The following ADARB2 variants were observed in gnomAD, a reference collection of about 807,000 sequenced individuals.
ADARB2 encodes adenosine deaminase RNA specific B2 (inactive), also known as inactive double-stranded RNA-specific editase B2.
In ADARB2, 25 loss-of-function variants were observed where a neutral mutation model predicts 62.2. The observed-to-expected ratio is 0.40, with a 90% CI of 0.29 to 0.56. The LOEUF (loss-of-function observed/expected upper bound fraction) is 0.56. Ranked by LOEUF, ADARB2 falls within the 20% of genes least tolerant of loss-of-function variation. The pLI, the probability that ADARB2 is intolerant of heterozygous loss-of-function variation, is 0.43. For synonymous variants in ADARB2, 572 were observed against 500.8 expected (o/e 1.14, Z -1.90); for missense variants, 1,071 against 1,077.4 (o/e 0.99, Z 0.08).
At chr10:1,552,321 T>C (rs1014788428) in intron 1 of ADARB2, among the ~76,000 whole-genome samples, 2 of 152,176 alleles carry the variant, frequency 1.3e-5, no homozygotes, top group Admixed American at 6.5e-5. Context: ...CTCTGGCTAG[T>C]TTGGGGCCCT....
chr10:1,354,564 T>C (rs903855535), intron 3 of ADARB2, among the ~76,000 whole-genome samples: 3 of 152,118 alleles, frequency 2.0e-5, no homozygotes, highest in Non-Finnish European at 2.9e-5. Flanking sequence ...CACAGGTACG[T>C]GCATGAAAAG....
In ADARB2 at chr10:1,272,732, C is replaced by T. The variant is rs149295555; in HGVS notation, c.1078-1663G>A. Among the ~76,000 whole-genome samples, 12 of 152,348 alleles carry T rather than the reference C, an allele frequency of 7.9e-5. No homozygotes were observed. In the East Asian group the frequency reaches 2.3e-3, roughly 29 times the overall value. The stretch of plus-strand genomic sequence containing the variant: ...CCAGTCCAGGCTGCTCCCAGCTGTC[C>T]TGTCTTTCGTGTCTGGAATCAGGTC... On this transcript the variant is annotated intron_variant, in intron 3 of 9. Coordinates refer to ENST00000381312, the MANE Select transcript of ADARB2 (RefSeq NM_018702.4).
intron 3 of ADARB2, among the ~76,000 whole-genome samples, chr10:1,307,115 CA>C: frequency 8.8e-6 from 1 of 113,478 alleles, no homozygotes; most frequent in South Asian, 4.3e-4. Flanking sequence ...TTCTGCACAG[CA>C]AAAGAAACTA....
chr10:1,429,173 C>A (rs1464410398), intron 1 of ADARB2, among the ~76,000 whole-genome samples: 2 of 152,174 alleles, frequency 1.3e-5, no homozygotes, highest in Non-Finnish European at 2.9e-5. Flanking sequence ...TTCTGTAATG[C>A]CTCTTACAAT....
At chr10:1,458,840 G>A (rs570963617) in intron 1 of ADARB2, among the ~76,000 whole-genome samples, 5 of 82,662 alleles carry the variant, frequency 6.0e-5, no homozygotes, top group Admixed American at 2.3e-4. Context: ...CAAGTGTGAC[G>A]GAACAAACAC....
chr10:1,725,426 T>C lies in ADARB2; in HGVS notation c.100+11625A>G, dbSNP rs190776515. On this transcript the variant is annotated intron_variant, in intron 1 of 9. Transcript: ENST00000381312. The stretch of plus-strand genomic sequence containing the variant: ...AAAATACATCAGAATAAATCACATG[T>C]CACCGCTTCAGAGTCACATGAAAAA... Among the ~76,000 whole-genome samples the C allele has an allele frequency of 1.4e-4, 22 of 152,290 alleles. No homozygotes were observed. The East Asian group carries it at 3.7e-3, about 25-fold the overall frequency.
chr10:1,594,161 G>C (rs1274077161), intron 1 of ADARB2, among the ~76,000 whole-genome samples: 1 of 152,212 alleles, frequency 6.6e-6, no homozygotes, highest in African/African-American at 2.4e-5. Context: ...ATGGTGGCGG[G>C]CGCCTGTAAT....
chr10:1,675,090 G>A lies in ADARB2; in HGVS notation c.100+61961C>T, dbSNP rs1236284917. The A allele has an allele frequency of 3.8e-4, 341 of 904,712 alleles. No homozygotes were observed. In the Admixed American group the frequency reaches 5.0e-3, roughly 13 times the overall value. The allele number at this position is 904,712 out of a possible 1,614,324, so 56.0% of individuals were successfully genotyped here. ...TCTGGAGGTTTGGGTTAAGGGATGT[G>A]TGGATGTTCTGGAGGTTTGGGTTGC... On this transcript the variant is annotated intron_variant, in intron 1 of 9. Coordinates refer to ENST00000381312, the MANE Select transcript of ADARB2 (RefSeq NM_018702.4).
intron 3 of ADARB2, among the ~76,000 whole-genome samples, chr10:1,288,049 T>G (rs550882809): frequency 2.0e-5 from 3 of 152,286 alleles, no homozygotes; most frequent in African/African-American, 7.2e-5. Flanking sequence ...TGCCTCTGGG[T>G]CAGCTCGTGC....
rs571691915 is a variant in ADARB2 at position 1,232,060 on chromosome 10, A to T, written c.1513+1634T>A. ...GAGAGTCAGGCCAAAGCCAAGCCTT[A>T]ATAGCTGTGTGCTGTCCATGTATGT... On this transcript the variant is annotated intron_variant, in intron 6 of 9. Transcript: ENST00000381312. Among the ~76,000 whole-genome samples the T allele has an allele frequency of 1.4e-4, 21 of 152,296 alleles. No homozygotes were observed. The South Asian group carries it at 4.1e-3, about 30-fold the overall frequency.
At position 1,391,491 on chromosome 10, in the gene ADARB2, G is replaced by A. The variant is rs150036608; in HGVS notation, c.101-12331C>T. ...TCACAGGCCCAACCACACATGCCTT[G>A]GTGGTCTCTGAGGCCTCAGTTTACC... is the stretch of plus-strand genomic sequence containing the variant. On this transcript the variant is annotated intron_variant, in intron 1 of 9. Coordinates refer to ENST00000381312, the MANE Select transcript of ADARB2 (RefSeq NM_018702.4). Among the ~76,000 whole-genome samples the A allele has an allele frequency of 1.3e-3, 205 of 152,254 alleles. 1 individual carries two copies. The highest frequency in any genetic ancestry group is 4.7e-3 in the African/African-American group (197 of 41,536).
intron 1 of ADARB2, among the ~76,000 whole-genome samples, chr10:1,587,943 C>T (rs539179223): frequency 2.0e-5 from 3 of 152,250 alleles, no homozygotes; most frequent in East Asian, 1.9e-4. Flanking sequence ...GATTGTGAGG[C>T]CTCCCTAGTC....
At chr10:1,533,634 T>C (rs1329265401) in intron 1 of ADARB2, among the ~76,000 whole-genome samples, 1 of 152,230 alleles carries the variant, frequency 6.6e-6, no homozygotes, top group African/African-American at 2.4e-5. Context: ...GATGCTGCCC[T>C]TGGGAATACC....
chr10:1,636,161 C>A (rs1447880502), intron 1 of ADARB2, among the ~76,000 whole-genome samples: 2 of 151,968 alleles, frequency 1.3e-5, no homozygotes, highest in Non-Finnish European at 2.9e-5. Flanking sequence ...GAGGGGGGTG[C>A]AAGACATAAA....
intron 3 of ADARB2, among the ~76,000 whole-genome samples, chr10:1,344,423 T>C (rs1230999434): frequency 6.6e-6 from 1 of 152,208 alleles, no homozygotes; most frequent in Non-Finnish European, 1.5e-5. Flanking sequence ...TGGTGTTGTT[T>C]GGGAATAACC....
At chr10:1,620,313 T>C (rs1948670) in intron 1 of ADARB2, among the ~76,000 whole-genome samples, 20,804 of 151,828 alleles carry the variant, frequency 0.14, 1,673 homozygotes, top group South Asian at 0.3. Context: ...TTATCACCAA[T>C]CTACAAAAAT....
chr10:1,313,275 G>A (rs934959207), intron 3 of ADARB2, among the ~76,000 whole-genome samples: 5 of 152,164 alleles, frequency 3.3e-5, no homozygotes, highest in African/African-American at 4.8e-5. Flanking sequence ...GCTGTGGCCT[G>A]AACTTCTGAA....
At chr10:1,543,147 C>G (rs1191700181) in intron 1 of ADARB2, among the ~76,000 whole-genome samples, 3 of 152,252 alleles carry the variant, frequency 2.0e-5, no homozygotes, top group Non-Finnish European at 4.4e-5. Flanking sequence ...TCCCTGCTCT[C>G]TGCGTTCCCA....
chr10:1,683,730 G>C (rs2119119264), intron 1 of ADARB2, among the ~76,000 whole-genome samples: 1 of 152,316 alleles, frequency 6.6e-6, no homozygotes, highest in African/African-American at 2.4e-5. Flanking sequence ...ATAGAAAGGA[G>C]AGAAAAAGAC....
Sources: allele counts gnomAD v4.1 joint callset (sites outside exome capture counted in the v4.1 genomes callset), GRCh38; gene constraint gnomAD v4.1.1; transcripts MANE v1.5; gene names NCBI Gene and HGNC (gene_info 2026-07-23, HGNC 2026-07-21).